CHM: variants seen among roughly 807,000 people sequenced by gnomAD.
CHM encodes rab proteins geranylgeranyltransferase component A 1.
A neutral mutation model predicts 49.0 loss-of-function variants in CHM; 10 were observed. The ratio of observed to expected loss-of-function variants is 0.20; its 90% CI spans 0.13 to 0.35. CHM has a LOEUF of 0.35. Ranked by LOEUF, CHM falls within the 10% of genes least tolerant of loss-of-function variation. The pLI, the probability that CHM is intolerant of heterozygous loss-of-function variation, is 1.00. For synonymous variants in CHM, 184 were observed against 167.5 expected, an observed-to-expected ratio of 1.10 and a Z score of -0.76; for missense variants, 455 against 478.4, an observed-to-expected ratio of 0.95 and a Z score of 0.46.
intron 1 of CHM, among the ~76,000 whole-genome samples, chrX:86,036,306 G>C (rs772010878): frequency 4.5e-5 from 5 of 111,020 alleles, no homozygotes; most frequent in African/African-American, 1.3e-4. Flanking sequence ...CAAAGCTGGT[G>C]GGGGGGGAAG....
intron 2 of CHM, among the ~76,000 whole-genome samples, chrX:85,991,389 C>T (rs1448090793): frequency 9.0e-6 from 1 of 111,482 alleles, no homozygotes; most frequent in Non-Finnish European, 1.9e-5. Context: ...TTACAACCTA[C>T]AAATTCCCAA....
At chrX:86,037,030 A>C in intron 1 of CHM, among the ~76,000 whole-genome samples, 1 of 110,878 alleles carries the variant, frequency 9.0e-6, no homozygotes, top group East Asian at 2.8e-4. Flanking sequence ...AAATCTCTTG[A>C]AGTTTTGTTA....
At chrX:85,937,875 C>T (rs1304923009) in intron 8 of CHM, among the ~76,000 whole-genome samples, 1 of 109,087 alleles carries the variant, frequency 9.2e-6, no homozygotes, top group Non-Finnish European at 1.9e-5. Context: ...AAACTGTATC[C>T]ACACCATAGG....
At chrX:86,040,259 T>C (rs1466248367) in intron 1 of CHM, among the ~76,000 whole-genome samples, 1 of 111,679 alleles carries the variant, frequency 9.0e-6, no homozygotes, top group Non-Finnish European at 1.9e-5. Flanking sequence ...CAGCACAGAG[T>C]TGACTCCTGC....
At chrX:85,878,390 G>C (rs748147014) in intron 13 of CHM, among the ~76,000 whole-genome samples, 3 of 109,517 alleles carry the variant, frequency 2.7e-5, no homozygotes, top group Non-Finnish European at 5.7e-5. Flanking sequence ...TGAGGCAGGA[G>C]AATTGCTTGA....
At chrX:85,971,172 C>A in intron 4 of CHM, 1 of 754,035 alleles carries the variant, frequency 1.3e-6, no homozygotes, top group Middle Eastern at 7.6e-4. Flanking sequence ...ATTTTCCAAG[C>A]AGTGGTAATG....
rs150490682 is a variant in CHM, at chrX:86,047,496, C to G, written c.37G>C (p.Val13Leu). 3 of 1,206,833 alleles carry G rather than the reference C, an allele frequency of 2.5e-6. No homozygotes were observed. The African/African-American group carries it at 5.3e-5, about 21-fold the overall frequency. The change falls in exon 1 of 15, where the codon GTA becomes CTA. Residue 13 changes from valine to leucine, a missense_variant. Coordinates refer to ENST00000357749, the MANE Select transcript of CHM (RefSeq NM_000390.4). ...DTLPSEFDVI[V>L]IGTGLPESII... ...AGGCTACACATACCCGTCCCTATTA[C>G]GATCACATCAAACTCCGAAGGGAGA...
At chrX:85,976,956 A>T (rs1431848623) in intron 4 of CHM, among the ~76,000 whole-genome samples, 1 of 111,220 alleles carries the variant, frequency 9.0e-6, no homozygotes, top group Non-Finnish European at 1.9e-5. Flanking sequence ...TAAATAAATA[A>T]GGCTTTTAAG....
At chrX:85,960,190 T>C (rs865850003) in intron 5 of CHM, among the ~76,000 whole-genome samples, 4 of 111,503 alleles carry the variant, frequency 3.6e-5, no homozygotes, top group Middle Eastern at 4.7e-3. Context: ...GATACACATT[T>C]GAGACTCAAG....
intron 2 of CHM, among the ~76,000 whole-genome samples, chrX:86,002,461 T>C (rs1932761160): frequency 8.9e-6 from 1 of 112,176 alleles, no homozygotes; most frequent in Admixed American, 9.4e-5. Context: ...GGAACACCTC[T>C]GGTCTGCAGC....
chrX:85,876,299 C>A (rs1341707966), intron 13 of CHM, among the ~76,000 whole-genome samples: 5 of 110,976 alleles, frequency 4.5e-5, no homozygotes, highest in Non-Finnish European at 9.5e-5. Context: ...AGAAAATATG[C>A]CCAAATAATG....
chrX:85,879,729 A>G (rs1183126105), intron 12 of CHM, among the ~76,000 whole-genome samples: 2 of 111,394 alleles, frequency 1.8e-5, no homozygotes, highest in Admixed American at 9.6e-5. Flanking sequence ...AAGGTGAAGA[A>G]AGAATAAAGA....
At chrX:85,901,595 C>T (rs1926292830) in intron 9 of CHM, among the ~76,000 whole-genome samples, 1 of 111,367 alleles carries the variant, frequency 9.0e-6, no homozygotes, top group African/African-American at 3.3e-5. Context: ...GATTAAATAC[C>T]TTGCTATACC....
At chrX:85,983,352 C>T (rs1931733663) in intron 2 of CHM, among the ~76,000 whole-genome samples, 1 of 110,168 alleles carries the variant, frequency 9.1e-6, no homozygotes, top group Non-Finnish European at 1.9e-5. Flanking sequence ...AGGAAACCTA[C>T]AAGCAGTGAC....
chrX:86,019,065 G>A (rs1933429166), intron 2 of CHM, among the ~76,000 whole-genome samples: 1 of 111,818 alleles, frequency 8.9e-6, no homozygotes, highest in Non-Finnish European at 1.9e-5. Flanking sequence ...GCTGCTTCTG[G>A]GAGGTGGGAC....
At chrX:86,046,839 C>A (rs1479722936) in intron 1 of CHM, among the ~76,000 whole-genome samples, 1 of 111,500 alleles carries the variant, frequency 9.0e-6, no homozygotes, top group Non-Finnish European at 1.9e-5. Context: ...ATTCTCAGCA[C>A]ATTTAGTTAT....
At chrX:85,891,190 A>G (rs1925427662) in intron 12 of CHM, among the ~76,000 whole-genome samples, 1 of 112,387 alleles carries the variant, frequency 8.9e-6, no homozygotes, top group African/African-American at 3.2e-5. Flanking sequence ...AGAGCATAAA[A>G]GTTCAGAAAA....
chrX:86,021,126 GTATATATA>G (rs3078128), intron 2 of CHM, among the ~76,000 whole-genome samples: 720 of 55,921 alleles, frequency 0.013, 9 homozygotes, highest in South Asian at 0.036. Context: ...GTGTATATAC[GTATATATA>G]TATATATATA....
chrX:86,009,253 T>G (rs12853262), intron 2 of CHM, among the ~76,000 whole-genome samples: 1 of 111,881 alleles, frequency 8.9e-6, no homozygotes, highest in Non-Finnish European at 1.9e-5. Flanking sequence ...ATATGGTCAA[T>G]GATATACATC....
Sources: gnomAD v4.1 joint callset for allele counts (sites outside exome capture counted in the v4.1 genomes callset) on GRCh38, gnomAD v4.1.1 for gene constraint, MANE v1.5 for transcripts, NCBI Gene and HGNC (gene_info 2026-07-23, HGNC 2026-07-21) for gene names.